CEP290: variants seen among roughly 807,000 people sequenced by gnomAD.
The protein encoded by CEP290 is centrosomal protein 290.
A neutral mutation model predicts 344.9 loss-of-function variants in CEP290; 317 were observed. The observed-to-expected ratio is 0.92, with a 90% CI of 0.84 to 1.01. The LOEUF is 1.01. CEP290 is among the 50% of genes least tolerant of loss of function. CEP290 has a pLI of 0.00. For synonymous variants in CEP290, 932 were observed against 895.8 expected (o/e 1.04, Z -0.72); for missense variants, 2,754 against 2,761.4 (o/e 1.00, Z 0.06).
chr12:88,074,477 C>T (rs2137006397), intron 41 of CEP290, among the ~76,000 whole-genome samples: 1 of 152,286 alleles, frequency 6.6e-6, no homozygotes, highest in African/African-American at 2.4e-5. Flanking sequence ...AGAAAAACAA[C>T]AAACGTGAAT....
intron 52 of CEP290, among the ~76,000 whole-genome samples, chr12:88,050,984 T>C (rs1356922094): frequency 1.3e-5 from 2 of 152,176 alleles, no homozygotes; most frequent in Non-Finnish European, 2.9e-5. Context: ...AAAGTTCTAA[T>C]TTATTGGATT....
At chr12:88,126,234 T>G in intron 12 of CEP290, 82 bp downstream of exon 12, 9 of 1,172,416 alleles carry the variant, frequency 7.7e-6, no homozygotes, top group South Asian at 2.3e-5. Flanking sequence ...TAGGCACTGA[T>G]GATATAATAA....
chr12:88,050,265 T>C, intron 53 of CEP290, 89 bp downstream of exon 53: 1 of 665,892 alleles, frequency 1.5e-6, no homozygotes, highest in Non-Finnish European at 2.6e-6. Context: ...ATTACTGAAT[T>C]TTTTAGGATA....
intron 20 of CEP290, among the ~76,000 whole-genome samples, chr12:88,112,846 TCTGA>T (rs2038788580): frequency 6.6e-6 from 1 of 152,146 alleles, no homozygotes; most frequent in African/African-American, 2.4e-5. Flanking sequence ...AGGAAGGTAC[TCTGA>T]CTGACAACAA....
intron 53 of CEP290, 140 bp from the exon 54 acceptor site, chr12:88,049,554 A>G: frequency 1.7e-6 from 1 of 601,936 alleles, no homozygotes; most frequent in Non-Finnish European, 2.9e-6. Flanking sequence ...AAGAATTAAG[A>G]TTTTTCTTTG....
Position 88,080,658 on chromosome 12 carries a change from A to G in CEP290, c.5013-263T>C, listed in dbSNP as rs556662787. ...TTGGCCAGGCCAGTTTGAACGCATG[A>G]CCTCAGGTGATAAGCCCGCTTTGGC... On this transcript the variant is annotated intron_variant, in intron 37 of 53. Coordinates refer to ENST00000552810, the MANE Select transcript of CEP290 (RefSeq NM_025114.4). 9.2e-5 allele frequency among the ~76,000 whole-genome samples: 14 copies of G among 152,174 alleles called. No individual in the cohort carries two copies. The East Asian group carries it at 2.7e-3, about 29-fold the overall frequency.
intron 53 of CEP290, 21 bp downstream of exon 53, chr12:88,050,333 T>TA: frequency 7.9e-7 from 1 of 1,263,474 alleles, no homozygotes. Context: ...AAAACGATAC[T>TA]AAAATATAAT....
intron 46 of CEP290, among the ~76,000 whole-genome samples, chr12:88,061,249 G>C (rs1470709740): frequency 6.6e-6 from 1 of 152,106 alleles, no homozygotes; most frequent in Non-Finnish European, 1.5e-5. Flanking sequence ...AAATAGTCTA[G>C]CCTTGATGTC....
intron 53 of CEP290, 150 bp downstream of exon 53, chr12:88,050,204 G>A: frequency 1.8e-6 from 1 of 552,496 alleles, no homozygotes; most frequent in Non-Finnish European, 3.1e-6. Flanking sequence ...GTTAGGAATA[G>A]TCAGATGAAC....
At chr12:88,086,553 C>G (rs2036589411) in intron 32 of CEP290, 55 bp from the exon 33 acceptor site, 1 of 1,186,942 alleles carries the variant, frequency 8.4e-7, no homozygotes, top group Non-Finnish European at 1.2e-6. Flanking sequence ...AGGCACATAA[C>G]AGGCATTTTA....
chr12:88,116,313 A>G (rs898205564), intron 18 of CEP290, among the ~76,000 whole-genome samples: 1 of 152,224 alleles, frequency 6.6e-6, no homozygotes, highest in Non-Finnish European at 1.5e-5. Context: ...TCTTATTGTA[A>G]TAGTTTCTGG....
intron 6 of CEP290, among the ~76,000 whole-genome samples, chr12:88,134,017 T>A (rs1188510430): frequency 6.6e-6 from 1 of 152,166 alleles, no homozygotes; most frequent in Non-Finnish European, 1.5e-5. Flanking sequence ...TGCCTTACAA[T>A]CACTTCTCTG....
In CEP290 at chr12:88,064,108, C is replaced by T; in HGVS notation, c.6143G>A (p.Gly2048Glu). ...KDTYSKPSIS[G>E]IESDDHCQRE... ...CTGACAATGATCATCTGACTCTATT[C>T]CTGAAATCTTCAGGGAAATGAAATT... Residue 2048 changes from glycine to glutamate, a missense_variant, in exon 45 of 54, where the codon GGA (glycine) becomes GAA (glutamate). Physicochemically the swap from Gly to Glu is moderately conservative, Grantham distance 98. Coordinates refer to ENST00000552810, the MANE Select transcript of CEP290 (RefSeq NM_025114.4). The T allele has an allele frequency of 6.4e-7, 1 of 1,559,028 alleles. No homozygotes were observed. Among genetic ancestry groups the T allele is most frequent in the South Asian group, 1.2e-5 (1 of 81,108 alleles).
chr12:88,089,915 C>T (rs898784780), intron 30 of CEP290, among the ~76,000 whole-genome samples: 10 of 151,870 alleles, frequency 6.6e-5, no homozygotes, highest in African/African-American at 2.4e-4. Context: ...TTAGTAGGGA[C>T]GGGGTTTCAC....
At chr12:88,086,704 T>TATCCATCCATCCACCCATCCATCC (rs2036603747) in intron 32 of CEP290, among the ~76,000 whole-genome samples, 1 of 149,078 alleles carries the variant, frequency 6.7e-6, no homozygotes, top group Non-Finnish European at 1.5e-5. Context: ...GATTTCAGTC[T>TATCCATCCATCCACCCATCCATCC]ATCCATCCAT....
chr12:88,057,709 C>G (rs1321911181), intron 49 of CEP290, among the ~76,000 whole-genome samples: 2 of 152,120 alleles, frequency 1.3e-5, no homozygotes, highest in Admixed American at 6.5e-5. Context: ...TCATGTCCAT[C>G]TGGGCTGTCC....
chr12:88,139,201 T>TA lies in CEP290; in HGVS notation c.251-11dup, dbSNP rs752284551. On this transcript the variant is annotated splice_polypyrimidine_tract_variant and intron_variant, in intron 4 of 53. Coordinates refer to ENST00000552810, the MANE Select transcript of CEP290 (RefSeq NM_025114.4). ...GTTTTTAATTGATTTTCTATTTTTT[T>TA]AAAAAAAAAGAAAAACGTTTTAATT... The TA allele has an allele frequency of 5.4e-4, 585 of 1,084,632 alleles. No individual in the cohort carries two copies. The highest frequency in any genetic ancestry group is 6.3e-4 in the South Asian group (35 of 55,766). The allele number at this position is 1,084,632 out of a possible 1,614,324, so 67.2% of individuals were successfully genotyped here.
intron 44 of CEP290, 102 bp from the exon 45 acceptor site, chr12:88,064,217 C>G (rs2034711709): frequency 1.0e-6 from 1 of 993,420 alleles, no homozygotes; most frequent in Non-Finnish European, 1.4e-6. Context: ...ACTTTTTTTC[C>G]TCAAAGGAAT....
intron 25 of CEP290, chr12:88,104,222 C>T (rs1565872787): frequency 6.6e-6 from 1 of 152,062 alleles, no homozygotes; most frequent in East Asian, 1.9e-4. Context: ...ATTAGCCTGA[C>T]ATCACCCATT....
Sources: allele counts gnomAD v4.1 joint callset (sites outside exome capture counted in the v4.1 genomes callset), GRCh38; gene constraint gnomAD v4.1.1; transcripts MANE v1.5; gene names NCBI Gene and HGNC (gene_info 2026-07-23, HGNC 2026-07-21).